Variants in SELPLG observed in about 807,000 individuals in gnomAD.
The protein encoded by SELPLG is P-selectin glycoprotein ligand 1.
In SELPLG, 2 loss-of-function variants were observed where a neutral mutation model predicts 1.1. The ratio of observed to expected loss-of-function variants is 1.82; its 90% CI spans 0.74 to 5.71. The LOEUF (loss-of-function observed/expected upper bound fraction) is 5.71. Ranked by LOEUF, SELPLG falls within the 30% of genes most tolerant of loss-of-function variation. SELPLG has a pLI of 0.05. For synonymous variants in SELPLG, 230 were observed against 221.2 expected, an observed-to-expected ratio of 1.04 and a Z score of -0.35; for missense variants, 478 against 524.7, an observed-to-expected ratio of 0.91 and a Z score of 0.87.
At chr12:108,625,792 G>C (rs2031925671) in intron 1 of SELPLG, among the ~76,000 whole-genome samples, 1 of 152,138 alleles carries the variant, frequency 6.6e-6, no homozygotes, top group Admixed American at 6.5e-5. Context: ...GGCACTGGCT[G>C]GTGTTTACAG....
intron 1 of SELPLG, among the ~76,000 whole-genome samples, chr12:108,631,627 T>A (rs1051754645): frequency 7.2e-5 from 11 of 152,072 alleles, no homozygotes; most frequent in African/African-American, 2.7e-4. Context: ...ACAGTGTTAG[T>A]TGAGATTTTT....
chr12:108,623,057 TG>T lies in SELPLG; in HGVS notation c.*11del. On this transcript the variant is annotated 3_prime_UTR_variant, in exon 2 of 2. Coordinates refer to ENST00000550948, the MANE Select transcript of SELPLG (RefSeq NM_003006.4). ...GGAGGTGGGGTCTTGCCAAAACAGA[TG>T]GCAGAGTGAGCTAAGGGAGGAAGCT... 2 of 1,477,778 alleles carry T rather than the reference TG, an allele frequency of 1.4e-6. No individual in the cohort carries two copies. Among genetic ancestry groups the T allele is most frequent in the Non-Finnish European group, 9.0e-7 (1 of 1,113,814 alleles). The allele number at this position is 1,477,778 out of a possible 1,614,324, so 91.5% of individuals were successfully genotyped here. A position where few individuals can be genotyped will look rare whatever the true frequency, so the allele number is the denominator to read the frequency against.
intron 1 of SELPLG, among the ~76,000 whole-genome samples, chr12:108,629,181 C>T (rs972054334): frequency 2.6e-5 from 4 of 152,172 alleles, no homozygotes; most frequent in African/African-American, 9.7e-5. Flanking sequence ...CTGGTACATT[C>T]GGAAAGCCCA....
intron 1 of SELPLG, chr12:108,632,200 C>A: frequency 2.3e-6 from 1 of 431,808 alleles, no homozygotes; most frequent in Admixed American, 4.0e-5. Context: ...ATCAACCACC[C>A]AGGGCACGGC....
intron 1 of SELPLG, among the ~76,000 whole-genome samples, chr12:108,628,945 T>TA (rs1169914249): frequency 6.6e-6 from 1 of 152,036 alleles, no homozygotes; most frequent in South Asian, 2.1e-4. Context: ...CAATATTGCT[T>TA]AAAAAAAATC....
At chr12:108,627,326 G>A (rs1358386705) in intron 1 of SELPLG, among the ~76,000 whole-genome samples, 1 of 152,192 alleles carries the variant, frequency 6.6e-6, no homozygotes, top group East Asian at 1.9e-4. Flanking sequence ...CCTAGTTGAG[G>A]AGACAGAAGG....
rs1457268997 is a variant in SELPLG, at chr12:108,622,108, G to C, written c.*961C>G. ...ATGTACAAGACCCCCTGTTGTCCAA[G>C]AGGCAAAACTGAAGTCAACCTAACA... On this transcript the variant is annotated 3_prime_UTR_variant, in exon 2 of 2. Transcript: ENST00000550948. Among the ~76,000 whole-genome samples, 1 of 152,280 alleles carries C rather than the reference G, an allele frequency of 6.6e-6. No individual in the cohort carries two copies. The highest frequency in any genetic ancestry group is 2.4e-5 in the African/African-American group (1 of 41,556).
chr12:108,623,189 A>AC lies in SELPLG; in HGVS notation c.1118dup (p.Glu374Ter). 6.2e-7 allele frequency: 1 copy of AC among 1,611,566 alleles called. No homozygotes were observed. The highest frequency in any genetic ancestry group is 8.5e-7 in the Non-Finnish European group (1 of 1,179,546). On this transcript the variant is annotated frameshift_variant, in exon 2 of 2. Coordinates refer to ENST00000550948, the MANE Select transcript of SELPLG (RefSeq NM_003006.4). LOFTEE classifies it low-confidence loss of function (END_TRUNC). ...CATTGGCTGTGGCAGAGGGCCCCTC[A>AC]CCCCCATCAGGCAACAGGGATGAGA...
intron 1 of SELPLG, among the ~76,000 whole-genome samples, chr12:108,625,962 A>C (rs2031928625): frequency 6.6e-6 from 1 of 152,246 alleles, no homozygotes; most frequent in East Asian, 1.9e-4. Context: ...TAGCACCCGG[A>C]CAATTTCCAG....
In SELPLG at chr12:108,623,401, A is replaced by G. The variant is rs1396727943; in HGVS notation, c.907T>C (p.Leu303=). The G allele has an allele frequency of 1.9e-6, 3 of 1,614,118 alleles. No individual in the cohort carries two copies. The highest frequency in any genetic ancestry group is 1.7e-6 in the Non-Finnish European group (2 of 1,180,048). ...GCCCCCACTGGGTAGTTGACGGACA[A>G]ATTGCTGGCTGCCATGGGAATGCCC... ...HKGIPMAASN[L]SVNYPVGAPD... is the part of the protein sequence containing the mutation. The change falls in exon 2 of 2, where the codon TTG becomes CTG. Residue 303 remains leucine (L), a synonymous_variant. Transcript: ENST00000550948.
intron 1 of SELPLG, chr12:108,632,177 T>C: frequency 2.0e-6 from 1 of 492,802 alleles, no homozygotes; most frequent in Non-Finnish European, 3.6e-6. Context: ...TGGCCAAGCC[T>C]GCTGAGGGAG....
chr12:108,630,619 GT>G (rs1050129472), intron 1 of SELPLG, among the ~76,000 whole-genome samples: 12 of 152,122 alleles, frequency 7.9e-5, no homozygotes, highest in Non-Finnish European at 2.9e-5. Context: ...CTTAGAAGCT[GT>G]GTGACCTGGG....
rs1399749540 is a variant in SELPLG, at chr12:108,623,408, G to T, written c.900C>A (p.Ala300=). 27 of 1,614,142 alleles carry T rather than the reference G, an allele frequency of 1.7e-5. No homozygotes were observed. The highest frequency in any genetic ancestry group is 2.7e-5 in the African/African-American group (2 of 74,940). The stretch of plus-strand genomic sequence containing the variant: ...CTGGGTAGTTGACGGACAAATTGCT[G>T]GCTGCCATGGGAATGCCCTTGTGAG... ...SVTHKGIPMA[A]SNLSVNYPVG... The change falls in exon 2 of 2, where the codon GCC becomes GCA. Residue 300 remains alanine, a synonymous_variant. Transcript: ENST00000550948.
intron 1 of SELPLG, among the ~76,000 whole-genome samples, chr12:108,627,561 G>T (rs986541097): frequency 4.6e-5 from 7 of 152,330 alleles, no homozygotes; most frequent in South Asian, 4.1e-4. Flanking sequence ...CTGAGCTTCA[G>T]TTTTCCCATC....
intron 1 of SELPLG, 123 bp from the exon 2 acceptor site, chr12:108,624,435 G>T: frequency 2.4e-6 from 2 of 845,252 alleles, no homozygotes; most frequent in East Asian, 5.3e-5. Context: ...GCAGGGACTG[G>T]GGACTTAGGC....
At chr12:108,633,027 T>A (rs2032088808) in intron 1 of SELPLG, among the ~76,000 whole-genome samples, 1 of 151,982 alleles carries the variant, frequency 6.6e-6, no homozygotes, top group South Asian at 2.1e-4. Context: ...CTTTCTGGAG[T>A]CTTCCAGACC....
intron 1 of SELPLG, among the ~76,000 whole-genome samples, chr12:108,630,607 C>G (rs909415944): frequency 3.3e-5 from 5 of 152,164 alleles, no homozygotes; most frequent in Non-Finnish European, 7.3e-5. Context: ...CCAGCTCTGT[C>G]CCTTAGAAGC....
At chr12:108,629,340 A>G (rs1249085066) in intron 1 of SELPLG, among the ~76,000 whole-genome samples, 1 of 152,224 alleles carries the variant, frequency 6.6e-6, no homozygotes, top group Non-Finnish European at 1.5e-5. Flanking sequence ...GGTCCCTGCC[A>G]TCCCACTGGC....
chr12:108,632,386 TGGGGTGTGTG>T (rs1480077434), intron 1 of SELPLG, among the ~76,000 whole-genome samples: 3 of 104,806 alleles, frequency 2.9e-5, no homozygotes, highest in African/African-American at 1.2e-4. Context: ...ATCGACAATA[TGGGGTGTGTG>T]TGTGTGTGTG....
Sources: gnomAD v4.1 joint callset for allele counts (sites outside exome capture counted in the v4.1 genomes callset) on GRCh38, gnomAD v4.1.1 for gene constraint, MANE v1.5 for transcripts, NCBI Gene and HGNC (gene_info 2026-07-23, HGNC 2026-07-21) for gene names.